Variants in FAM227B observed in about 807,000 individuals in gnomAD.
The protein encoded by FAM227B is family with sequence similarity 227 member B, also known as protein FAM227B.
FAM227B carries 88 observed loss-of-function variants against 73.8 expected under a neutral mutation model. The ratio of observed to expected loss-of-function variants is 1.19; its 90% confidence interval spans 1.00 to 1.42. FAM227B has a LOEUF of 1.42. Ranked by LOEUF, FAM227B falls within the 40% of genes most tolerant of loss-of-function variation. FAM227B has a pLI of 0.00. For missense variants in FAM227B, 632 were observed against 590.9 expected (o/e 1.07, Z -0.72); for synonymous variants, 210 against 190.5 (o/e 1.10, Z -0.84).
rs190135442 is a variant in FAM227B at position 49,549,174 on chromosome 15, T to C, written c.748-7368A>G. ...ATGCCTCTTAGTACTGCTTTCACCCTATTCCATGGATTTTGGCATGTTGTG... is the reference window on the plus strand; with the variant it reads ...ATGCCTCTTAGTACTGCTTTCACCCCATTCCATGGATTTTGGCATGTTGTG... On this transcript the variant is annotated intron_variant, in intron 9 of 15. Coordinates refer to ENST00000299338, the MANE Select transcript of FAM227B (RefSeq NM_152647.3). Among the ~76,000 whole-genome samples the C allele has an allele frequency of 2.0e-3, 300 of 152,292 alleles. 1 individual carries two copies. The highest frequency in any genetic ancestry group is 6.9e-3 in the African/African-American group (287 of 41,578).
chr15:49,564,641 T>C (rs1270021180), intron 9 of FAM227B, among the ~76,000 whole-genome samples: 6 of 151,926 alleles, frequency 3.9e-5, no homozygotes, highest in Non-Finnish European at 7.4e-5. Context: ...ATATACAACA[T>C]GGAATACTAT....
In FAM227B at chr15:49,490,935, T is replaced by C. The variant is rs117951108; in HGVS notation, c.1012+17276A>G. 8.3e-3 allele frequency among the ~76,000 whole-genome samples: 1,262 copies of C among 152,130 alleles called. 6 individuals carry two copies. Among genetic ancestry groups the C allele is most frequent in the Non-Finnish European group, 0.014 (950 of 67,908 alleles). Reference sequence around the variant, plus strand: ...GATAAATATGAACAATTTATATATGTTTCTTTATATTTCTGATTTTCTTAG... The same window carrying C: ...GATAAATATGAACAATTTATATATGCTTCTTTATATTTCTGATTTTCTTAG... On this transcript the variant is annotated intron_variant, in intron 11 of 15. Transcript: ENST00000299338.
At chr15:49,498,193 G>A (rs1048120479) in intron 11 of FAM227B, among the ~76,000 whole-genome samples, 2 of 152,166 alleles carry the variant, frequency 1.3e-5, no homozygotes, top group South Asian at 2.1e-4. Context: ...TAGGCAGTAC[G>A]TGAAGTGGTT....
chr15:49,589,901 C>G lies in FAM227B; in HGVS notation c.212G>C (p.Trp71Ser). The G allele has an allele frequency of 6.3e-7, 1 of 1,593,632 alleles. No homozygotes were observed. Among genetic ancestry groups the G allele is most frequent in the Non-Finnish European group, 8.6e-7 (1 of 1,161,546 alleles). Residue 71 changes from tryptophan (W) to serine (S), a missense_variant, in exon 4 of 16, where the codon TGG becomes TCG. Physicochemically the swap from Trp to Ser is radical, Grantham distance 177. Transcript: ENST00000299338. Reference sequence around the variant, plus strand: ...TTCAAATATTCGAGGAACATTTTCCCATAGGTGTGTATAAATTGAAACAAA... The same window carrying G: ...TTCAAATATTCGAGGAACATTTTCCGATAGGTGTGTATAAATTGAAACAAA... ...SSFVSIYTHL[W>S]ENVPRIFEAL...
intron 8 of FAM227B, among the ~76,000 whole-genome samples, chr15:49,572,200 T>C (rs1026473215): frequency 6.6e-6 from 1 of 152,122 alleles, no homozygotes; most frequent in Non-Finnish European, 1.5e-5. Flanking sequence ...GTTGATTTTG[T>C]ATCCTGCAAC....
chr15:49,329,647 T>C lies in FAM227B; in HGVS notation c.1420-972A>G, dbSNP rs1019903236. 4 of 984,750 alleles carry C rather than the reference T, an allele frequency of 4.1e-6. No homozygotes were observed. The African/African-American group carries it at 7.0e-5, about 17-fold the overall frequency. The allele number at this position is 984,750 out of a possible 1,614,324, so 61.0% of individuals were successfully genotyped here. A position where few individuals can be genotyped will look rare whatever the true frequency, so the allele number is the denominator to read the frequency against. On this transcript the variant is annotated intron_variant, in intron 15 of 15. Transcript: ENST00000299338. ...CAGAAAGGTAAATGCTTGAGAAAGC[T>C]TGAGTCAAATTTGTTAAAAGAATTT...
intron 10 of FAM227B, among the ~76,000 whole-genome samples, chr15:49,518,356 A>G (rs1384704902): frequency 6.6e-6 from 1 of 152,182 alleles, no homozygotes; most frequent in Non-Finnish European, 1.5e-5. Context: ...GATTAAAGTT[A>G]CAGGTTGATG....
chr15:49,335,044 C>A (rs916221483), intron 14 of FAM227B, among the ~76,000 whole-genome samples: 2 of 152,170 alleles, frequency 1.3e-5, no homozygotes, highest in Non-Finnish European at 2.9e-5. Context: ...GACACCAGCC[C>A]AGCTGCCACC....
chr15:49,559,684 C>T (rs544887529), intron 9 of FAM227B, among the ~76,000 whole-genome samples: 60 of 152,242 alleles, frequency 3.9e-4, no homozygotes, highest in African/African-American at 1.4e-3. Context: ...CGCCTGTAAT[C>T]CCAGCACTTT....
rs1249300513 is a variant in FAM227B, at chr15:49,465,465, C to A, written c.1012+42746G>T. ...TCTTAAAGTGTTAATGTGTTAGGAG[C>A]AAGATAGATAAATAGATATGCTATC... On this transcript the variant is annotated intron_variant, in intron 11 of 15. Coordinates refer to ENST00000299338, the MANE Select transcript of FAM227B (RefSeq NM_152647.3). Among the ~76,000 whole-genome samples the A allele has an allele frequency of 2.0e-5, 3 of 151,832 alleles. No individual in the cohort carries two copies. The East Asian group carries it at 5.8e-4, about 29-fold the overall frequency.
chr15:49,587,671 T>G (rs1243270134), intron 5 of FAM227B, among the ~76,000 whole-genome samples: 1 of 152,026 alleles, frequency 6.6e-6, no homozygotes, highest in Non-Finnish European at 1.5e-5. Context: ...ATTGGCAAAG[T>G]AAAGGTCATC....
chr15:49,341,443 T>A (rs1304222072), intron 13 of FAM227B, among the ~76,000 whole-genome samples: 1 of 152,226 alleles, frequency 6.6e-6, no homozygotes, highest in African/African-American at 2.4e-5. Flanking sequence ...CAGAATTTTC[T>A]AGTTTTCTTT....
intron 9 of FAM227B, among the ~76,000 whole-genome samples, chr15:49,560,512 T>C (rs1459938532): frequency 6.6e-6 from 1 of 152,000 alleles, no homozygotes. Context: ...CATCCAAATT[T>C]AAAAAATCAA....
chr15:49,526,786 G>A (rs1431211082), intron 10 of FAM227B, among the ~76,000 whole-genome samples: 1 of 151,928 alleles, frequency 6.6e-6, no homozygotes, highest in African/African-American at 2.4e-5. Flanking sequence ...GTACAAACTA[G>A]AAAACCTAGA....
At chr15:49,367,866 G>GAAAAAAAA (rs34096112) in intron 12 of FAM227B, 28 of 116,824 alleles carry the variant, frequency 2.4e-4, no homozygotes, top group African/African-American at 3.8e-4. Flanking sequence ...CTTAAGAACA[G>GAAAAAAAA]AAAAAAAAAA....
intron 1 of FAM227B, chr15:49,620,484 A>G (rs2078631751): frequency 6.6e-6 from 1 of 152,260 alleles, no homozygotes; most frequent in Admixed American, 6.5e-5. Context: ...GGAAAAACAC[A>G]AAGTACTCTT....
intron 3 of FAM227B, 131 bp from the exon 4 acceptor site, chr15:49,590,138 T>G (rs111712784): frequency 1.7e-6 from 1 of 596,486 alleles, no homozygotes; most frequent in Non-Finnish European, 2.9e-6. Context: ...TTTTAAAAAT[T>G]TGAAACAATC....
In FAM227B at chr15:49,564,787, T is replaced by C. The variant is rs193298019; in HGVS notation, c.747+3458A>G. Among the ~76,000 whole-genome samples the C allele has an allele frequency of 2.9e-4, 44 of 151,882 alleles. No individual in the cohort carries two copies. The East Asian group carries it at 6.2e-3, about 21-fold the overall frequency. On this transcript the variant is annotated intron_variant, in intron 9 of 15. Coordinates refer to ENST00000299338, the MANE Select transcript of FAM227B (RefSeq NM_152647.3). ...CTCACTTATAAGTGGGAGCTAAACA[T>C]TGAATACATATAGATATAAAGATGA...
At chr15:49,561,819 T>C (rs2074284614) in intron 9 of FAM227B, among the ~76,000 whole-genome samples, 1 of 152,070 alleles carries the variant, frequency 6.6e-6, no homozygotes, top group African/African-American at 2.4e-5. Flanking sequence ...AGACACGACA[T>C]ACCCAAATTT....
Sources: gnomAD v4.1 joint callset for allele counts (sites outside exome capture counted in the v4.1 genomes callset) on GRCh38, gnomAD v4.1.1 for gene constraint, MANE v1.5 for transcripts, NCBI Gene and HGNC (gene_info 2026-07-23, HGNC 2026-07-21) for gene names.